Variants in TECTA observed in about 807,000 individuals in gnomAD.
TECTA encodes the protein tectorin alpha, also known as alpha-tectorin.
In TECTA, 128 loss-of-function variants were observed where a neutral mutation model predicts 216.8. That is an observed-to-expected ratio of 0.59 (90% confidence interval 0.51 to 0.68). The LOEUF (loss-of-function observed/expected upper bound fraction) is 0.68. Ranked by LOEUF, TECTA falls within the 30% of genes least tolerant of loss-of-function variation. The pLI is 0.00. For synonymous variants in TECTA, 1,089 were observed against 1,117.1 expected (o/e 0.97, Z 0.50); for missense variants, 2,551 against 2,786.2 (o/e 0.92, Z 1.90).
intron 14 of TECTA, among the ~76,000 whole-genome samples, chr11:121,158,838 T>C (rs1378410585): frequency 6.6e-6 from 1 of 152,270 alleles, no homozygotes; most frequent in South Asian, 2.1e-4. Flanking sequence ...TGTGTGTAAA[T>C]AAATGTAAAC....
At chr11:121,158,850 C>A (rs1189067813) in intron 14 of TECTA, among the ~76,000 whole-genome samples, 2 of 152,110 alleles carry the variant, frequency 1.3e-5, no homozygotes, top group Admixed American at 1.3e-4. Context: ...AATGTAAACC[C>A]CCCACCCATC....
At chr11:121,157,804 C>T in intron 13 of TECTA, 37 bp from the exon 14 acceptor site, 2 of 1,612,596 alleles carry the variant, frequency 1.2e-6, no homozygotes, top group Non-Finnish European at 1.7e-6. Context: ...GCCCTGACCA[C>T]AGTCTGAATT....
chr11:121,183,806 T>C (rs2134211669), intron 20 of TECTA, among the ~76,000 whole-genome samples: 1 of 152,344 alleles, frequency 6.6e-6, no homozygotes, highest in East Asian at 1.9e-4. Context: ...ATTCATTGAA[T>C]GAATTTAGTC....
intron 13 of TECTA, among the ~76,000 whole-genome samples, chr11:121,156,905 AGGTGGT>A (rs1372426376): frequency 6.6e-6 from 1 of 152,202 alleles, no homozygotes; most frequent in Non-Finnish European, 1.5e-5. Context: ...ATTGAAACCC[AGGTGGT>A]CTGATCCCAA....
At chr11:121,124,671 C>T (rs1263463712) in intron 7 of TECTA, among the ~76,000 whole-genome samples, 1 of 152,164 alleles carries the variant, frequency 6.6e-6, no homozygotes, top group Non-Finnish European at 1.5e-5. Context: ...GTTTTTTAAC[C>T]CTTTACATCT....
chr11:121,163,860 A>C (rs1295634206), intron 16 of TECTA, among the ~76,000 whole-genome samples: 1 of 152,168 alleles, frequency 6.6e-6, no homozygotes, highest in Non-Finnish European at 1.5e-5. Context: ...GTGAATCATA[A>C]CTTTCGCTTG....
chr11:121,158,271 G>A (rs944411041), intron 14 of TECTA, 47 bp downstream of exon 14: 8 of 1,603,238 alleles, frequency 5.0e-6, no homozygotes, highest in African/African-American at 1.3e-5. Context: ...GGAAACAAGG[G>A]GTTGGCTAGG....
At chr11:121,188,054 A>G (rs1221827935) in intron 21 of TECTA, 60 bp downstream of exon 21, 15 of 1,594,730 alleles carry the variant, frequency 9.4e-6, no homozygotes, top group African/African-American at 6.7e-5. Context: ...TGGTTTCCCA[A>G]CATGAGGATC....
At chr11:121,158,477 G>C (rs1013582685) in intron 14 of TECTA, among the ~76,000 whole-genome samples, 3 of 152,216 alleles carry the variant, frequency 2.0e-5, no homozygotes, top group Non-Finnish European at 4.4e-5. Context: ...GCAATGGCAT[G>C]GGCGCTAATA....
At position 121,178,161 on chromosome 11, in the gene TECTA, C is replaced by G. The variant is rs192018450; in HGVS notation, c.5999+9236C>G. Among the ~76,000 whole-genome samples, 229 of 152,366 alleles carry G rather than the reference C, an allele frequency of 1.5e-3. 8 individuals carry two copies. In the East Asian group the frequency reaches 0.038, roughly 25 times the overall value. On this transcript the variant is annotated intron_variant, in intron 20 of 23. Transcript: ENST00000392793. ...GAGGCAATGCCTCGCCCTGCTTCGG[C>G]TCGTGCACGGTGCACTGCACCCACT...
chr11:121,101,348 A>G lies in TECTA; in HGVS notation c.-96A>G, dbSNP rs1946345348. 6.6e-6 allele frequency: 1 copy of G among 152,176 alleles called. No homozygotes were observed. Among genetic ancestry groups the G allele is most frequent in the South Asian group, 2.1e-4 (1 of 4,828 alleles). The allele number at this position is 152,176 out of a possible 1,614,324, so 9.4% of individuals were successfully genotyped here. A position where few individuals can be genotyped will look rare whatever the true frequency, so the allele number is the denominator to read the frequency against. ...AAATTATTGGCAACAAGTTGAGGAGAACTGACATGAATTCTTGTTTTACCT... is the reference window on the plus strand; with the variant it reads ...AAATTATTGGCAACAAGTTGAGGAGGACTGACATGAATTCTTGTTTTACCT... On this transcript the variant is annotated 5_prime_UTR_variant, in exon 1 of 24. Coordinates refer to ENST00000392793, the MANE Select transcript of TECTA (RefSeq NM_005422.4).
intron 6 of TECTA, among the ~76,000 whole-genome samples, chr11:121,114,251 A>C (rs1466009441): frequency 2.0e-5 from 3 of 152,204 alleles, no homozygotes; most frequent in Non-Finnish European, 4.4e-5. Context: ...CAGCATCAGC[A>C]AAACGTGCAG....
At position 121,153,002 on chromosome 11, in the gene TECTA, C is replaced by T. The variant is rs369626875; in HGVS notation, c.4227C>T (p.Asp1409=). 53 of 1,614,090 alleles carry T rather than the reference C, an allele frequency of 3.3e-5. No individual in the cohort carries two copies. Among genetic ancestry groups the T allele is most frequent in the Non-Finnish European group, 4.1e-5 (48 of 1,180,060 alleles). ...SHYCVEGCHC[D]AGYVLNGKSC... ...ACTGCGTGGAGGGCTGTCACTGCGA[C>T]GCTGGCTACGTCCTCAACGGCAAGA... The change falls in exon 13 of 24, where the codon GAC becomes GAT. Residue 1409 remains aspartate, a synonymous_variant. Transcript: ENST00000392793.
In TECTA at chr11:121,129,892, C is replaced by T; in HGVS notation, c.2622C>T (p.Phe874=). The stretch of plus-strand genomic sequence containing the variant: ...AGTGCACGGACAACCTGGCAGTGTT[C>T]CTGGAAAGCTGGACAACTTTCGAGG... ...NGKCTDNLAV[F]LESWTTFEEI... The change falls in exon 10 of 24, where the codon TTC becomes TTT. Residue 874 remains phenylalanine (F), a synonymous_variant. Transcript: ENST00000392793. 6.2e-7 allele frequency: 1 copy of T among 1,614,126 alleles called. No homozygotes were observed. The highest frequency in any genetic ancestry group is 8.5e-7 in the Non-Finnish European group (1 of 1,179,980).
chr11:121,113,301 G>A lies in TECTA; in HGVS notation c.624+92G>A, dbSNP rs548239521. 6.9e-6 allele frequency: 11 copies of A among 1,601,680 alleles called. No homozygotes were observed. The Admixed American group carries it at 1.2e-4, about 17-fold the overall frequency. On this transcript the variant is annotated intron_variant, in intron 5 of 23. Coordinates refer to ENST00000392793, the MANE Select transcript of TECTA (RefSeq NM_005422.4). This position sits in a 1 kb window ranked among gnomAD's most constrained non-coding sequence, Gnocchi z 4.2. ...CATCCTGGAGGGAATCCTGCCACCAGCTTTTAACTAGAGACGCAGGTCTGA... is the reference window on the plus strand; with the variant it reads ...CATCCTGGAGGGAATCCTGCCACCAACTTTTAACTAGAGACGCAGGTCTGA...
chr11:121,163,529 G>A (rs563548398), intron 16 of TECTA, among the ~76,000 whole-genome samples: 22 of 152,078 alleles, frequency 1.4e-4, no homozygotes, highest in African/African-American at 5.3e-4. Context: ...CAGCACACCA[G>A]CATGGCACAT....
Position 121,153,006 on chromosome 11 carries a change from G to A in TECTA, c.4231G>A (p.Gly1411Ser), listed in dbSNP as rs1487552394. The A allele has an allele frequency of 6.2e-7, 1 of 1,614,212 alleles. No homozygotes were observed. Among genetic ancestry groups the A allele is most frequent in the Admixed American group, 1.7e-5 (1 of 60,032 alleles). The change falls in exon 13 of 24, where the codon GGC (glycine) becomes AGC (serine). Residue 1411 changes from glycine (G) to serine (S), a missense_variant. Around this residue, in one of 3 missense-constraint regions of TECTA, gnomAD observed 2,375 missense variants for 2,563.9 expected, o/e 0.93. Transcript: ENST00000392793. ...YCVEGCHCDA[G>S]YVLNGKSCIL... Reference sequence around the variant, plus strand: ...CGTGGAGGGCTGTCACTGCGACGCTGGCTACGTCCTCAACGGCAAGAGCTG... The same window carrying A: ...CGTGGAGGGCTGTCACTGCGACGCTAGCTACGTCCTCAACGGCAAGAGCTG...
At chr11:121,141,897 A>T (rs1946788086) in intron 11 of TECTA, among the ~76,000 whole-genome samples, 1 of 152,224 alleles carries the variant, frequency 6.6e-6, no homozygotes, top group Admixed American at 6.5e-5. Context: ...TCCATGTAAC[A>T]TGAAGTGCTG....
chr11:121,135,317 G>A (rs183226303), intron 10 of TECTA, among the ~76,000 whole-genome samples: 15 of 152,288 alleles, frequency 9.8e-5, no homozygotes, highest in East Asian at 7.7e-4. Flanking sequence ...CAGGCATTCC[G>A]GGGCCTAGGG....
Sources: allele counts gnomAD v4.1 joint callset (sites outside exome capture counted in the v4.1 genomes callset), GRCh38; gene constraint gnomAD v4.1.1; regional missense constraint gnomAD v4.1.1; non-coding constraint Gnocchi (gnomAD v3.1); transcripts MANE v1.5; gene names NCBI Gene and HGNC (gene_info 2026-07-23, HGNC 2026-07-21).